The following ATP6V1H variants were observed in gnomAD, a reference collection of about 807,000 sequenced individuals.
ATP6V1H encodes the protein ATPase H+ transporting V1 subunit H.
Under a neutral mutation model 71.7 loss-of-function variants are expected in ATP6V1H, and 39 were observed. That is an observed-to-expected ratio of 0.54 (90% confidence interval 0.42 to 0.71). The LOEUF is 0.71. ATP6V1H is among the 30% of genes least tolerant of loss of function. ATP6V1H has a pLI of 0.00. For missense variants in ATP6V1H, 509 were observed against 594.9 expected (o/e 0.86, Z 1.50); for synonymous variants, 192 against 199.3 (o/e 0.96, Z 0.31).
chr8:53,763,654 C>A (rs1808353317), intron 11 of ATP6V1H, among the ~76,000 whole-genome samples: 1 of 151,810 alleles, frequency 6.6e-6, no homozygotes, highest in South Asian at 2.1e-4. Flanking sequence ...GTTTCTGGTA[C>A]AGCATGTAAA....
At chr8:53,781,255 T>A (rs1156836471) in intron 9 of ATP6V1H, among the ~76,000 whole-genome samples, 1 of 152,226 alleles carries the variant, frequency 6.6e-6, no homozygotes, top group Non-Finnish European at 1.5e-5. Flanking sequence ...AGATGGTATC[T>A]CACTGTGGTT....
chr8:53,722,191 G>C (rs1204801398), intron 13 of ATP6V1H, among the ~76,000 whole-genome samples: 5 of 152,160 alleles, frequency 3.3e-5, no homozygotes, highest in Non-Finnish European at 7.3e-5. Context: ...CTCTTCCCCT[G>C]CTACTACCAG....
At chr8:53,786,393 A>G (rs1475749335) in intron 9 of ATP6V1H, among the ~76,000 whole-genome samples, 1 of 152,192 alleles carries the variant, frequency 6.6e-6, no homozygotes, top group Non-Finnish European at 1.5e-5. Flanking sequence ...GGAAAAGCGC[A>G]GTATTAGGGT....
chr8:53,806,149 C>CA (rs1018962978), intron 7 of ATP6V1H, among the ~76,000 whole-genome samples: 6 of 151,872 alleles, frequency 4.0e-5, no homozygotes, highest in Non-Finnish European at 8.8e-5. Context: ...AAAACTAGAA[C>CA]AAGAATCAGA....
intron 13 of ATP6V1H, among the ~76,000 whole-genome samples, chr8:53,725,941 C>A (rs894228604): frequency 6.6e-6 from 1 of 152,076 alleles, no homozygotes; most frequent in African/African-American, 2.4e-5. Context: ...GACAAGAAAT[C>A]ATTTAGTGGG....
At chr8:53,778,582 G>A (rs536821965) in intron 9 of ATP6V1H, among the ~76,000 whole-genome samples, 10 of 152,238 alleles carry the variant, frequency 6.6e-5, no homozygotes, top group African/African-American at 2.4e-4. Flanking sequence ...GACAGAACTG[G>A]AGGTCATTAT....
chr8:53,774,350 C>T (rs907522804), intron 9 of ATP6V1H, among the ~76,000 whole-genome samples: 1 of 152,216 alleles, frequency 6.6e-6, no homozygotes, highest in Non-Finnish European at 1.5e-5. Context: ...GTTAGCAAAG[C>T]TTCCATCTAC....
At chr8:53,819,776 G>GTA (rs948494751) in intron 4 of ATP6V1H, among the ~76,000 whole-genome samples, 10 of 141,736 alleles carry the variant, frequency 7.1e-5, no homozygotes, top group South Asian at 4.4e-4. Context: ...TATATACATA[G>GTA]TATATATATA....
At chr8:53,745,809 A>C (rs1807583522) in intron 12 of ATP6V1H, among the ~76,000 whole-genome samples, 1 of 152,224 alleles carries the variant, frequency 6.6e-6, no homozygotes, top group Non-Finnish European at 1.5e-5. Context: ...ATGGGATGGC[A>C]GAACGCTGCC....
At chr8:53,788,339 T>G (rs1384411357) in intron 9 of ATP6V1H, among the ~76,000 whole-genome samples, 4 of 152,218 alleles carry the variant, frequency 2.6e-5, no homozygotes, top group Admixed American at 2.6e-4. Context: ...CTATGCATTA[T>G]AAGTAAAAAT....
At chr8:53,840,251 A>C (rs553775446) in intron 2 of ATP6V1H, among the ~76,000 whole-genome samples, 1 of 152,188 alleles carries the variant, frequency 6.6e-6, no homozygotes, top group East Asian at 1.9e-4. Flanking sequence ...TAATCCCAGC[A>C]CTTTGGGAGG....
At chr8:53,751,193 A>C (rs1807783059) in intron 12 of ATP6V1H, among the ~76,000 whole-genome samples, 1 of 152,200 alleles carries the variant, frequency 6.6e-6, no homozygotes, top group South Asian at 2.1e-4. Flanking sequence ...ACATGAAAAA[A>C]ACAATATGTC....
At chr8:53,790,435 T>C (rs1330988828) in intron 9 of ATP6V1H, among the ~76,000 whole-genome samples, 1 of 152,178 alleles carries the variant, frequency 6.6e-6, no homozygotes, top group Non-Finnish European at 1.5e-5. Context: ...ACCAGCCCTT[T>C]ATACAGTCAC....
chr8:53,841,338 C>G (rs1811334514), intron 2 of ATP6V1H, among the ~76,000 whole-genome samples: 1 of 152,190 alleles, frequency 6.6e-6, no homozygotes, highest in African/African-American at 2.4e-5. Context: ...AAAAGTACTT[C>G]CCCAGGCAGC....
chr8:53,841,770 T>C (rs1348527754), intron 1 of ATP6V1H, 45 bp from the exon 2 acceptor site: 14 of 1,536,414 alleles, frequency 9.1e-6, no homozygotes, highest in Non-Finnish European at 1.2e-5. Context: ...AGGTGTTTCT[T>C]TTTTTTACAA....
At chr8:53,819,827 TACACAC>T (rs750799957) in intron 4 of ATP6V1H, among the ~76,000 whole-genome samples, 2 of 145,486 alleles carry the variant, frequency 1.4e-5, no homozygotes, top group Non-Finnish European at 1.5e-5. Flanking sequence ...TGTATATATA[TACACAC>T]ACACACACAT....
chr8:53,757,445 G>A (rs1473903432), intron 11 of ATP6V1H, among the ~76,000 whole-genome samples: 1 of 152,214 alleles, frequency 6.6e-6, no homozygotes, highest in Middle Eastern at 3.2e-3. Flanking sequence ...TTCCTCATGT[G>A]TGCAAGCAGA....
At chr8:53,818,119 C>T (rs1810512453) in intron 4 of ATP6V1H, among the ~76,000 whole-genome samples, 1 of 152,176 alleles carries the variant, frequency 6.6e-6, no homozygotes, top group Non-Finnish European at 1.5e-5. Context: ...CACCTCTCAT[C>T]TAAATTTTCT....
intron 13 of ATP6V1H, among the ~76,000 whole-genome samples, chr8:53,738,048 T>C (rs1331926858): frequency 6.6e-6 from 1 of 152,056 alleles, no homozygotes; most frequent in Non-Finnish European, 1.5e-5. Flanking sequence ...GAATATAAAG[T>C]TTGCTTTATC....
Sources: gnomAD v4.1 joint callset for allele counts (sites outside exome capture counted in the v4.1 genomes callset) on GRCh38, gnomAD v4.1.1 for gene constraint, MANE v1.5 for transcripts, NCBI Gene and HGNC (gene_info 2026-07-23, HGNC 2026-07-21) for gene names.